Variants in ARID5B observed in about 807,000 individuals in gnomAD.
ARID5B encodes AT-rich interaction domain 5B.
Under a neutral mutation model 97.2 loss-of-function variants are expected in ARID5B, and 13 were observed. The observed-to-expected ratio is 0.13, with a 90% CI of 0.09 to 0.21. The LOEUF is 0.21. Ranked by LOEUF, ARID5B falls within the 10% of genes least tolerant of loss-of-function variation. ARID5B has a pLI of 1.00. For synonymous variants in ARID5B, 556 were observed against 570.3 expected, an observed-to-expected ratio of 0.97 and a Z score of 0.36; for missense variants, 1,210 against 1,465.3, an observed-to-expected ratio of 0.83 and a Z score of 2.84.
At chr10:61,924,137 C>T (rs1228842023) in intron 2 of ARID5B, among the ~76,000 whole-genome samples, 2 of 152,224 alleles carry the variant, frequency 1.3e-5, no homozygotes, top group African/African-American at 2.4e-5. Flanking sequence ...CACAAGTTTT[C>T]AGCCCCACCT....
At chr10:62,032,886 A>G (rs1839515223) in intron 4 of ARID5B, among the ~76,000 whole-genome samples, 2 of 152,060 alleles carry the variant, frequency 1.3e-5, no homozygotes, top group Non-Finnish European at 2.9e-5. Context: ...TATAGGTAGA[A>G]TTTGGTCTCC....
At chr10:62,055,064 C>A (rs566620523) in intron 5 of ARID5B, among the ~76,000 whole-genome samples, 2 of 152,304 alleles carry the variant, frequency 1.3e-5, no homozygotes, top group Admixed American at 6.5e-5. Flanking sequence ...AGGAATGGAG[C>A]TCCTTGACAC....
chr10:62,043,143 C>T (rs993198469), intron 4 of ARID5B, among the ~76,000 whole-genome samples: 2 of 152,114 alleles, frequency 1.3e-5, no homozygotes, highest in African/African-American at 4.8e-5. Flanking sequence ...ATATTGCAGA[C>T]AGCCAAATAG....
intron 4 of ARID5B, among the ~76,000 whole-genome samples, chr10:62,025,742 T>C (rs575404295): frequency 1.3e-4 from 20 of 151,208 alleles, no homozygotes; most frequent in Non-Finnish European, 2.6e-4. Flanking sequence ...TTTATTTATG[T>C]AGTTTCTTCA....
At chr10:61,923,960 C>T (rs1289520352) in intron 2 of ARID5B, among the ~76,000 whole-genome samples, 1 of 152,238 alleles carries the variant, frequency 6.6e-6, no homozygotes, top group Non-Finnish European at 1.5e-5. Flanking sequence ...CTGGATGAAG[C>T]TCAGCTTGTG....
chr10:62,006,758 C>G (rs763054733), intron 4 of ARID5B, among the ~76,000 whole-genome samples: 10 of 152,172 alleles, frequency 6.6e-5, no homozygotes, highest in Non-Finnish European at 1.2e-4. Context: ...TGTGTTGCTA[C>G]TGTAAATTAA....
At chr10:62,081,779 C>T (rs1840216876) in intron 8 of ARID5B, among the ~76,000 whole-genome samples, 1 of 152,238 alleles carries the variant, frequency 6.6e-6, no homozygotes, top group African/African-American at 2.4e-5. Flanking sequence ...CCCCTGACTT[C>T]TGCTGTAGAG....
intron 2 of ARID5B, among the ~76,000 whole-genome samples, chr10:61,923,472 C>G (rs1463668735): frequency 6.6e-6 from 1 of 152,212 alleles, no homozygotes; most frequent in East Asian, 1.9e-4. Context: ...TGTTTTATTC[C>G]TGGCTGTAAC....
intron 3 of ARID5B, among the ~76,000 whole-genome samples, chr10:61,960,274 T>C (rs916678789): frequency 6.6e-6 from 1 of 152,232 alleles, no homozygotes; most frequent in African/African-American, 2.4e-5. Flanking sequence ...CTTCAGTAGT[T>C]ACTTTCTCTT....
chr10:62,040,023 T>C (rs1839615080), intron 4 of ARID5B, among the ~76,000 whole-genome samples: 1 of 152,230 alleles, frequency 6.6e-6, no homozygotes, highest in Non-Finnish European at 1.5e-5. Context: ...TTTCTCCTAT[T>C]CAGTTTGTAC....
At chr10:61,952,843 G>GGTGT (rs59658634) in intron 3 of ARID5B, among the ~76,000 whole-genome samples, 6,433 of 147,838 alleles carry the variant, frequency 0.044, 159 homozygotes, top group East Asian at 0.12. Flanking sequence ...TGGTGTTATA[G>GGTGT]GTGTGTGTGT....
At chr10:61,959,479 T>C (rs1358604584) in intron 3 of ARID5B, among the ~76,000 whole-genome samples, 9 of 152,206 alleles carry the variant, frequency 5.9e-5, no homozygotes, top group Non-Finnish European at 8.8e-5. Context: ...TTGGGCTACA[T>C]GTCAAGTGCC....
At chr10:61,914,294 A>G (rs1177721572) in intron 2 of ARID5B, among the ~76,000 whole-genome samples, 1 of 152,222 alleles carries the variant, frequency 6.6e-6, no homozygotes, top group African/African-American at 2.4e-5. Flanking sequence ...CATCATTCAG[A>G]AGTGTGTATC....
chr10:62,060,313 T>A (rs1327104650), intron 7 of ARID5B, among the ~76,000 whole-genome samples: 1 of 152,196 alleles, frequency 6.6e-6, no homozygotes, highest in Non-Finnish European at 1.5e-5. Flanking sequence ...ACAAGCATTA[T>A]GTGGTTCAGA....
chr10:62,076,827 T>C (rs1029943596), intron 8 of ARID5B, among the ~76,000 whole-genome samples: 1 of 152,098 alleles, frequency 6.6e-6, no homozygotes, highest in South Asian at 2.1e-4. Flanking sequence ...ACTCTGCCCA[T>C]CCTCATCCAT....
In ARID5B at chr10:62,091,962, G is replaced by A. The variant is rs769733313; in HGVS notation, c.2499G>A (p.Ser833=). 2.0e-5 allele frequency: 33 copies of A among 1,613,022 alleles called. No homozygotes were observed. Among genetic ancestry groups the A allele is most frequent in the East Asian group, 6.7e-5 (3 of 44,874 alleles). The change falls in exon 10 of 10, where the codon TCG becomes TCA. Residue 833 remains serine, a synonymous_variant. Transcript: ENST00000279873. ...HMPSFLADFY[S]SPHLHSLYRH... is the part of the protein sequence containing the mutation. ...CTAGCTTCCTGGCTGACTTCTACTCGTCCCCTCATCTCCATAGCCTCTACA... is the reference window on the plus strand; with the variant it reads ...CTAGCTTCCTGGCTGACTTCTACTCATCCCCTCATCTCCATAGCCTCTACA...
At chr10:62,009,343 A>G (rs557696960) in intron 4 of ARID5B, among the ~76,000 whole-genome samples, 14 of 152,330 alleles carry the variant, frequency 9.2e-5, no homozygotes, top group African/African-American at 3.1e-4. Flanking sequence ...TTATACATTC[A>G]TTCCTTGGGC....
chr10:62,087,320 G>GAAAAAAAAAAA (rs1589292422), intron 9 of ARID5B, among the ~76,000 whole-genome samples: 14 of 76,012 alleles, frequency 1.8e-4, no homozygotes, highest in Admixed American at 6.8e-4. Flanking sequence ...AAAAAAAAAG[G>GAAAAAAAAAAA]AAAAAAGATC....
chr10:61,968,947 T>C (rs1273297192), intron 3 of ARID5B, among the ~76,000 whole-genome samples: 1 of 152,214 alleles, frequency 6.6e-6, no homozygotes, highest in East Asian at 1.9e-4. Context: ...TGCTTTCACA[T>C]TTCTGCCCAT....
Sources: allele counts gnomAD v4.1 joint callset (sites outside exome capture counted in the v4.1 genomes callset), GRCh38; gene constraint gnomAD v4.1.1; transcripts MANE v1.5; gene names NCBI Gene and HGNC (gene_info 2026-07-23, HGNC 2026-07-21).